The following AIG1 variants were observed in gnomAD, a reference collection of about 807,000 sequenced individuals.
AIG1 encodes androgen induced 1, also known as androgen-induced gene 1 protein.
In AIG1, 23 loss-of-function variants were observed where a neutral mutation model predicts 31.4. The ratio of observed to expected loss-of-function variants is 0.73; its 90% CI spans 0.53 to 1.04. The LOEUF is 1.04. AIG1 is among the 50% of genes least tolerant of loss of function. The probability of loss-of-function intolerance (pLI) is 0.00; values close to 1 mark genes in which losing one functional copy is unlikely to be tolerated. For missense variants in AIG1, 274 were observed against 295.0 expected, an observed-to-expected ratio of 0.93 and a Z score of 0.52; for synonymous variants, 100 against 110.5, an observed-to-expected ratio of 0.90 and a Z score of 0.60.
intron 3 of AIG1, among the ~76,000 whole-genome samples, chr6:143,261,313 A>T (rs1199661633): frequency 6.6e-6 from 1 of 152,092 alleles, no homozygotes; most frequent in African/African-American, 2.4e-5. Context: ...TCTATTTTTA[A>T]TAGAGACGAG....
At chr6:143,300,045 G>C (rs1194181548) in intron 4 of AIG1, among the ~76,000 whole-genome samples, 1 of 152,190 alleles carries the variant, frequency 6.6e-6, no homozygotes, top group Non-Finnish European at 1.5e-5. Context: ...CACCAGATGA[G>C]CCCCATGTCT....
chr6:143,302,841 A>G (rs1490637885), intron 4 of AIG1, among the ~76,000 whole-genome samples: 1 of 152,216 alleles, frequency 6.6e-6, no homozygotes, highest in South Asian at 2.1e-4. Context: ...AGTCTCACCA[A>G]CAGTGTAAAA....
At chr6:143,066,947 C>T (rs902175612) in intron 1 of AIG1, among the ~76,000 whole-genome samples, 4 of 152,126 alleles carry the variant, frequency 2.6e-5, no homozygotes, top group Admixed American at 2.6e-4. Context: ...TGGTAGGAGG[C>T]TTGCTTAAAC....
intron 3 of AIG1, chr6:143,187,857 G>A: frequency 1.4e-6 from 2 of 1,438,928 alleles, no homozygotes; most frequent in East Asian, 5.0e-5. Flanking sequence ...GCGATGTACA[G>A]AAGGGTATCC....
At chr6:143,260,321 G>C (rs1562533507) in intron 3 of AIG1, among the ~76,000 whole-genome samples, 3 of 152,136 alleles carry the variant, frequency 2.0e-5, no homozygotes, top group Non-Finnish European at 4.4e-5. Context: ...CATCTGGCGG[G>C]TCTTCTGCTT....
At chr6:143,272,473 C>G (rs1378392561) in intron 3 of AIG1, among the ~76,000 whole-genome samples, 1 of 152,168 alleles carries the variant, frequency 6.6e-6, no homozygotes, top group South Asian at 2.1e-4. Flanking sequence ...TGAACACACA[C>G]CAGCTTTTAA....
chr6:143,340,434 A>T lies in AIG1; in HGVS notation c.*758A>T, dbSNP rs1777809540. On this transcript the variant is annotated 3_prime_UTR_variant, in exon 6 of 6. Coordinates refer to ENST00000357847, the MANE Select transcript of AIG1 (RefSeq NM_016108.4). ...TAATTTTTGGATTTTAAAAAATGTGAATCTTTTTGATAACTCCAAAACAAA... is the reference window on the plus strand; with the variant it reads ...TAATTTTTGGATTTTAAAAAATGTGTATCTTTTTGATAACTCCAAAACAAA... The T allele has an allele frequency of 2.0e-5, 3 of 150,820 alleles. No individual in the cohort carries two copies. The allele number at this position is 150,820 out of a possible 1,614,324, so 9.3% of individuals were successfully genotyped here. A position where few individuals can be genotyped will look rare whatever the true frequency, so the allele number is the denominator to read the frequency against.
At position 143,338,865 on chromosome 6, in the gene AIG1, G is replaced by A. The variant is rs1410395561; in HGVS notation, c.680-774G>A. On this transcript the variant is annotated intron_variant, in intron 5 of 5. Transcript: ENST00000357847. This position sits in a 1 kb window ranked among gnomAD's most constrained non-coding sequence, Gnocchi z 4.3. Reference sequence around the variant, plus strand: ...AACAAAGAAACTGAGAATTTGGTATGATTCAAAAAATGTTTAGGTACAAGA... The same window carrying A: ...AACAAAGAAACTGAGAATTTGGTATAATTCAAAAAATGTTTAGGTACAAGA... 6.6e-6 allele frequency: 1 copy of A among 152,072 alleles called. No individual in the cohort carries two copies. Among genetic ancestry groups the A allele is most frequent in the African/African-American group, 2.4e-5 (1 of 41,402 alleles). The allele number at this position is 152,072 out of a possible 1,614,324, so 9.4% of individuals were successfully genotyped here.
In AIG1 at chr6:143,326,181, G is replaced by C. The variant is rs1399426230; in HGVS notation, c.516-7101G>C. Reference sequence around the variant, plus strand: ...TATTTCAGATTTATTTATTTTCAAAGACTTTATATTTGCACACTAGGACGG... The same window carrying C: ...TATTTCAGATTTATTTATTTTCAAACACTTTATATTTGCACACTAGGACGG... On this transcript the variant is annotated intron_variant, in intron 4 of 5. Coordinates refer to ENST00000357847, the MANE Select transcript of AIG1 (RefSeq NM_016108.4). The surrounding 1 kb of genome is among the most constrained non-coding windows in gnomAD (Gnocchi z 4.5). Among the ~76,000 whole-genome samples, 1 of 152,122 alleles carries C rather than the reference G, an allele frequency of 6.6e-6. No homozygotes were observed. Among genetic ancestry groups the C allele is most frequent in the African/African-American group, 2.4e-5 (1 of 41,402 alleles).
In AIG1 at chr6:143,137,010, CA is replaced by C; in HGVS notation, c.297+21del. 1 of 1,347,336 alleles carries C rather than the reference CA, an allele frequency of 7.4e-7. No homozygotes were observed. 83.5% of individuals were successfully genotyped at this position (1,347,336 alleles called of 1,614,324 possible). On this transcript the variant is annotated intron_variant, in intron 2 of 5. Coordinates refer to ENST00000357847, the MANE Select transcript of AIG1 (RefSeq NM_016108.4). ...GGGGTTGTGAGTATGATGGAGGATG[CA>C]TTTAGCCACAAAAGAAACTTGGCTC...
chr6:143,272,654 A>G (rs1227243885), intron 3 of AIG1, among the ~76,000 whole-genome samples: 10 of 152,216 alleles, frequency 6.6e-5, no homozygotes, highest in Non-Finnish European at 1.2e-4. Flanking sequence ...TAAGATCCCA[A>G]ATATTAAGGG....
intron 3 of AIG1, among the ~76,000 whole-genome samples, chr6:143,173,178 C>T (rs1787805848): frequency 6.6e-6 from 1 of 152,124 alleles, no homozygotes; most frequent in Non-Finnish European, 1.5e-5. Context: ...GCCTCAGCCT[C>T]CTGAGTAGCT....
chr6:143,236,459 A>T lies in AIG1; in HGVS notation c.400-47651A>T, dbSNP rs990749772. Among the ~76,000 whole-genome samples, 14 of 152,334 alleles carry T rather than the reference A, an allele frequency of 9.2e-5. 1 individual carries two copies. In the South Asian group the frequency reaches 2.1e-3, roughly 23 times the overall value. The stretch of plus-strand genomic sequence containing the variant: ...TGTGATTTTCTGACACCCTCTTGCC[A>T]TCCGGCCTATGGCCAGAGCCCAGCA... On this transcript the variant is annotated intron_variant, in intron 3 of 5. Transcript: ENST00000357847.
At chr6:143,287,737 TAAAAAAAAAAAA>T (rs59551903) in intron 4 of AIG1, among the ~76,000 whole-genome samples, 1 of 78,044 alleles carries the variant, frequency 1.3e-5, no homozygotes, top group Admixed American at 1.6e-4. Context: ...CTGACTACAG[TAAAAAAAAAAAA>T]AAAAAAAAAA....
At chr6:143,314,184 T>TAA (rs35691634) in intron 4 of AIG1, among the ~76,000 whole-genome samples, 8,169 of 90,264 alleles carry the variant, frequency 0.091, 733 homozygotes, top group Admixed American at 0.22. Flanking sequence ...ACCCATCTCT[T>TAA]AAAAAAAAAA....
chr6:143,182,913 A>G (rs998520270), intron 3 of AIG1, among the ~76,000 whole-genome samples: 2 of 152,124 alleles, frequency 1.3e-5, no homozygotes, highest in African/African-American at 4.8e-5. Context: ...ACCTCAAAGC[A>G]TTTACTTATT....
At chr6:143,287,129 C>T (rs1238931723) in intron 4 of AIG1, among the ~76,000 whole-genome samples, 1 of 151,988 alleles carries the variant, frequency 6.6e-6, no homozygotes, top group Non-Finnish European at 1.5e-5. Context: ...CCATCATCAA[C>T]CCTCCCACAC....
At chr6:143,133,490 C>T (rs1006847347) in intron 1 of AIG1, among the ~76,000 whole-genome samples, 2 of 152,020 alleles carry the variant, frequency 1.3e-5, no homozygotes, top group Non-Finnish European at 2.9e-5. Context: ...TGTGTATTCC[C>T]CTCCAATTGA....
chr6:143,165,081 G>C lies in AIG1; in HGVS notation c.298-1G>C. 6.2e-7 allele frequency: 1 copy of C among 1,604,718 alleles called. No individual in the cohort carries two copies. The highest frequency in any genetic ancestry group is 8.5e-7 in the Non-Finnish European group (1 of 1,172,852). ...AATAAAAGATTTCTTTTTCCTTCCA[G>C]TTTGTTGTAGCAGTGTTCTGGATCA... On this transcript the variant is annotated splice_acceptor_variant, in intron 2 of 5. Coordinates refer to ENST00000357847, the MANE Select transcript of AIG1 (RefSeq NM_016108.4). LOFTEE classifies it high-confidence loss of function.
Sources: allele counts gnomAD v4.1 joint callset (sites outside exome capture counted in the v4.1 genomes callset), GRCh38; gene constraint gnomAD v4.1.1; non-coding constraint Gnocchi (gnomAD v3.1); transcripts MANE v1.5; gene names NCBI Gene and HGNC (gene_info 2026-07-23, HGNC 2026-07-21).